The following ZC3H7A variants were observed in gnomAD, a reference collection of about 807,000 sequenced individuals.
ZC3H7A encodes zinc finger CCCH-type containing 7A.
A neutral mutation model predicts 125.5 loss-of-function variants in ZC3H7A; 44 were observed. The observed-to-expected ratio is 0.35, with a 90% CI of 0.28 to 0.45. ZC3H7A has a LOEUF of 0.45. Among genes scored for constraint, ZC3H7A ranks in the 20% least tolerant of loss-of-function variants. The probability of loss-of-function intolerance (pLI) is 1.00; values close to 1 mark genes in which losing one functional copy is unlikely to be tolerated. For synonymous variants in ZC3H7A, 399 were observed against 391.2 expected, an observed-to-expected ratio of 1.02 and a Z score of -0.23; for missense variants, 977 against 1,170.7, an observed-to-expected ratio of 0.83 and a Z score of 2.41.
rs2053134521 is a variant in ZC3H7A at position 11,779,260 on chromosome 16, T to C, written c.212A>G (p.Asn71Ser). Residue 71 changes from asparagine (N) to serine (S), a missense_variant, in exon 4 of 23, where the codon AAT becomes AGT. By Grantham distance (46) the Asn-to-Ser change is conservative. Coordinates refer to ENST00000355758, the MANE Select transcript of ZC3H7A (RefSeq NM_014153.4). ...TTCAGATTTTGCATAATCAGCTATA[T>C]TCAAGGCTTCCGTGTACTGGCTTAT... Reference protein sequence around the residue: ...NSISQYTEALNIADYAKSEEI... With the variant: ...NSISQYTEALSIADYAKSEEI... The C allele has an allele frequency of 1.2e-6, 2 of 1,613,874 alleles. No homozygotes were observed. Among genetic ancestry groups the C allele is most frequent in the Admixed American group, 1.7e-5 (1 of 59,982 alleles).
chr16:11,786,969 TAC>T (rs1337912523), intron 1 of ZC3H7A, among the ~76,000 whole-genome samples: 8 of 152,188 alleles, frequency 5.3e-5, no homozygotes, highest in Admixed American at 2.0e-4. Flanking sequence ...AATATTTGTT[TAC>T]AGTTTTGTTT....
rs1396050764 is a variant in ZC3H7A at position 11,783,293 on chromosome 16, T to C, written c.-34-905A>G. ...TTTTCTGGATATTAAAATGTTATCC[T>C]CAATATAACACTTGCAAATGTCAAC... On this transcript the variant is annotated intron_variant, in intron 1 of 22. Coordinates refer to ENST00000355758, the MANE Select transcript of ZC3H7A (RefSeq NM_014153.4). Among the ~76,000 whole-genome samples, 5 of 152,206 alleles carry C rather than the reference T, an allele frequency of 3.3e-5. 1 individual carries two copies. Among genetic ancestry groups the C allele is most frequent in the Middle Eastern group, 6.3e-3 (2 of 316 alleles).
In ZC3H7A at chr16:11,776,787, G is replaced by A. The variant is rs146949513; in HGVS notation, c.429C>T (p.Tyr143=). The A allele has an allele frequency of 1.6e-5, 25 of 1,612,438 alleles. No individual in the cohort carries two copies. Among genetic ancestry groups the A allele is most frequent in the African/African-American group, 1.2e-4 (9 of 74,844 alleles). The change falls in exon 5 of 23, where the codon TAC becomes TAT. Residue 143 remains tyrosine (Y), a synonymous_variant. Coordinates refer to ENST00000355758, the MANE Select transcript of ZC3H7A (RefSeq NM_014153.4). The stretch of plus-strand genomic sequence containing the variant: ...CTAAGGAGCACTTTGCTACAGCATC[G>A]TAAGCCTTTTTGTATCTTCCTAAAT... ...LSDLGRYKKA[Y]DAVAKCSLAV...
rs2052831275 is a variant in ZC3H7A, at chr16:11,765,049, A to G, written c.1820+4T>C. 1.3e-6 allele frequency: 2 copies of G among 1,536,766 alleles called. No homozygotes were observed. Among genetic ancestry groups the G allele is most frequent in the Non-Finnish European group, 1.8e-6 (2 of 1,136,234 alleles). On this transcript the variant is annotated splice_donor_region_variant and intron_variant, in intron 15 of 22. Transcript: ENST00000355758. The surrounding 1 kb of genome is among the most constrained non-coding windows in gnomAD (Gnocchi z 4.8). ...ATTACAGAAATTAGAAACTATCAACATACTTATTGTCTTCAAACTCATGCT... is the reference window on the plus strand; with the variant it reads ...ATTACAGAAATTAGAAACTATCAACGTACTTATTGTCTTCAAACTCATGCT...
At chr16:11,782,421 G>A (rs2053187236) in intron 1 of ZC3H7A, 33 bp from the exon 2 acceptor site, 1 of 1,585,992 alleles carries the variant, frequency 6.3e-7, no homozygotes, top group African/African-American at 1.3e-5. Flanking sequence ...AGCACATAAG[G>A]TACCAGGGTC....
chr16:11,793,544 G>T (rs78483734), intron 1 of ZC3H7A, among the ~76,000 whole-genome samples: 11,325 of 151,542 alleles, frequency 0.075, 589 homozygotes, highest in South Asian at 0.24. Context: ...AAAAAAAGGG[G>T]GTGGGGGGGA....
chr16:11,788,616 C>CTT (rs1456172023), intron 1 of ZC3H7A, among the ~76,000 whole-genome samples: 8 of 141,558 alleles, frequency 5.7e-5, no homozygotes, highest in East Asian at 2.1e-4. Context: ...TTTTTTCTTT[C>CTT]TTTTTTTTTT....
At chr16:11,768,279 A>T in intron 12 of ZC3H7A, 36 bp downstream of exon 12, 1 of 1,395,828 alleles carries the variant, frequency 7.2e-7, no homozygotes, top group Non-Finnish European at 9.4e-7. Context: ...ATGAGCAAGT[A>T]GTTTAATACT....
chr16:11,751,285 C>A lies in ZC3H7A; in HGVS notation c.*32G>T. 6.3e-7 allele frequency: 1 copy of A among 1,576,608 alleles called. No homozygotes were observed. Among genetic ancestry groups the A allele is most frequent in the South Asian group, 1.2e-5 (1 of 85,098 alleles). On this transcript the variant is annotated 3_prime_UTR_variant, in exon 23 of 23. Coordinates refer to ENST00000355758, the MANE Select transcript of ZC3H7A (RefSeq NM_014153.4). Reference sequence around the variant, plus strand: ...ACTTTCAATTTTTCTGGTCAATGCTCTGATTAGGTATCATACATAAAAGCC... The same window carrying A: ...ACTTTCAATTTTTCTGGTCAATGCTATGATTAGGTATCATACATAAAAGCC...
chr16:11,755,005 T>G (rs1445500717), intron 21 of ZC3H7A, among the ~76,000 whole-genome samples: 3 of 151,204 alleles, frequency 2.0e-5, no homozygotes, highest in Non-Finnish European at 4.4e-5. Context: ...CTCAGGAGTT[T>G]GAGACCAGCC....
chr16:11,761,846 A>G (rs1330906871), intron 18 of ZC3H7A, 64 bp downstream of exon 18: 2 of 1,587,646 alleles, frequency 1.3e-6, no homozygotes, highest in Non-Finnish European at 1.7e-6. Flanking sequence ...GCTTATGTGT[A>G]TAATTTTATA....
Position 11,770,809 on chromosome 16 carries a change from G to A in ZC3H7A, c.1082C>T (p.Ser361Leu). ...TCGTTTGGATTCACTCATTGAAAAT[G>A]AATTTAAAGAAGAACAAAAATCTTC... ...SLEDFCSSLNSFSMSESKRDL... is the reference protein window; with the variant it reads ...SLEDFCSSLNLFSMSESKRDL... Residue 361 changes from serine to leucine, a missense_variant, in exon 10 of 23, where the codon TCA (serine) becomes TTA (leucine). Physicochemically the swap from Ser to Leu is moderately radical, Grantham distance 145 (BLOSUM62 -2). This residue lies in a region of ZC3H7A where 342 missense variants were observed against 311.3 expected (regional missense o/e 1.10). Coordinates refer to ENST00000355758, the MANE Select transcript of ZC3H7A (RefSeq NM_014153.4). 1 of 1,613,766 alleles carries A rather than the reference G, an allele frequency of 6.2e-7. No individual in the cohort carries two copies. The highest frequency in any genetic ancestry group is 1.7e-5 in the Admixed American group (1 of 59,946).
Position 11,780,305 on chromosome 16 carries a change from G to C in ZC3H7A, c.109-942C>G, listed in dbSNP as rs553519899. 3.9e-4 allele frequency among the ~76,000 whole-genome samples: 60 copies of C among 152,010 alleles called. 2 individuals carry two copies. The South Asian group carries it at 6.9e-3, about 17-fold the overall frequency. On this transcript the variant is annotated intron_variant, in intron 3 of 22. Transcript: ENST00000355758. ...TCGGCTAATTTTTGTATTTTTAGTA[G>C]AGACAGGGTTTCGCCATGTTGCCCA...
chr16:11,782,057 G>A (rs1036358519), intron 2 of ZC3H7A, among the ~76,000 whole-genome samples: 2 of 152,238 alleles, frequency 1.3e-5, no homozygotes, highest in African/African-American at 4.8e-5. Flanking sequence ...CTAACGTTTT[G>A]GGGGAGACTA....
At position 11,767,481 on chromosome 16, in the gene ZC3H7A, T is replaced by A. The variant is rs574978424; in HGVS notation, c.1458A>T (p.Ser486=). 2.4e-4 allele frequency: 393 copies of A among 1,612,362 alleles called. 2 individuals are homozygous for A. In the South Asian group the frequency reaches 4.0e-3, roughly 16 times the overall value. Residue 486 remains serine, a synonymous_variant, in exon 13 of 23, where the codon TCA becomes TCT. Transcript: ENST00000355758. ...IGRIKNVEDK[S]WKKIRPRPTK... is the part of the protein sequence containing the mutation. ...TTGGTCTTGGACGTATTTTTTTCCA[T>A]GATTTATCTTCAACATTCTTTATCC... is the stretch of plus-strand genomic sequence containing the variant.
chr16:11,768,411 C>A lies in ZC3H7A; in HGVS notation c.1264G>T (p.Ala422Ser). The A allele has an allele frequency of 1.3e-6, 2 of 1,594,700 alleles. No individual in the cohort carries two copies. Among genetic ancestry groups the A allele is most frequent in the Non-Finnish European group, 1.7e-6 (2 of 1,167,822 alleles). Reference protein sequence around the residue: ...RNDFGNFFGSAVTKPSSSVTP... With the variant: ...RNDFGNFFGSSVTKPSSSVTP... ...ACTGATGAAGATGGTTTGGTAACTG[C>A]ACTTCCAAAAAAGTTTCCAAAGTCA... Residue 422 changes from alanine (A) to serine (S), a missense_variant, in exon 12 of 23, where the codon GCA (alanine) becomes TCA (serine). Transcript: ENST00000355758.
At chr16:11,792,780 A>G (rs1246429648) in intron 1 of ZC3H7A, among the ~76,000 whole-genome samples, 1 of 152,204 alleles carries the variant, frequency 6.6e-6, no homozygotes, top group Admixed American at 6.5e-5. Context: ...GAGCCTATCC[A>G]CCTGGCTCTT....
chr16:11,766,695 C>T (rs1345057310), intron 13 of ZC3H7A, among the ~76,000 whole-genome samples: 2 of 152,210 alleles, frequency 1.3e-5, no homozygotes, highest in Non-Finnish European at 2.9e-5. Context: ...CCAGCCTAGG[C>T]AACATAGTGA....
intron 22 of ZC3H7A, among the ~76,000 whole-genome samples, chr16:11,751,770 C>G (rs1222324365): frequency 6.6e-6 from 1 of 151,966 alleles, no homozygotes; most frequent in Non-Finnish European, 1.5e-5. Flanking sequence ...AGAAAGAAAT[C>G]AGAGGCGGCA....
Sources: gnomAD v4.1 joint callset for allele counts (sites outside exome capture counted in the v4.1 genomes callset) on GRCh38, gnomAD v4.1.1 for gene constraint, gnomAD v4.1.1 regional missense constraint, Gnocchi (gnomAD v3.1) non-coding constraint, MANE v1.5 for transcripts, NCBI Gene and HGNC (gene_info 2026-07-23, HGNC 2026-07-21) for gene names.